Variants in ZNF784 observed in about 807,000 individuals in gnomAD.
The protein encoded by ZNF784 is zinc finger protein 784.
ZNF784 carries 5 observed loss-of-function variants against 3.3 expected under a neutral mutation model. The ratio of observed to expected loss-of-function variants is 1.53; its 90% CI spans 0.80 to 3.22. The LOEUF (loss-of-function observed/expected upper bound fraction) is 3.22. Among genes scored for constraint, ZNF784 ranks in the 30% most tolerant of loss-of-function variants. The pLI is 0.00. For missense variants in ZNF784, 501 were observed against 480.7 expected, an observed-to-expected ratio of 1.04 and a Z score of -0.39; for synonymous variants, 231 against 219.6, an observed-to-expected ratio of 1.05 and a Z score of -0.46.
At chr19:55,624,246 C>G (rs960257264) in intron 1 of ZNF784, among the ~76,000 whole-genome samples, 3 of 151,602 alleles carry the variant, frequency 2.0e-5, no homozygotes, top group African/African-American at 7.3e-5. Context: ...TCCTCAGACT[C>G]CGCCCCCATC....
At chr19:55,624,262 C>T (rs1981666745) in intron 1 of ZNF784, among the ~76,000 whole-genome samples, 1 of 149,136 alleles carries the variant, frequency 6.7e-6, no homozygotes, top group African/African-American at 2.5e-5. Context: ...CCATCCAGGC[C>T]CCGCCCACCA....
Position 55,624,473 on chromosome 19 carries a change from C to T in ZNF784, c.78+11G>A, listed in dbSNP as rs1981678395. The T allele has an allele frequency of 1.2e-6, 2 of 1,601,318 alleles. No individual in the cohort carries two copies. Among genetic ancestry groups the T allele is most frequent in the South Asian group, 2.2e-5 (2 of 88,952 alleles). On this transcript the variant is annotated intron_variant, in intron 1 of 1. Transcript: ENST00000325351. Reference sequence around the variant, plus strand: ...TCGAGCCCCACGCCCAGGCCCCTTCCTTGCCCGCACCAGGTCCAGTGGCTC... The same window carrying T: ...TCGAGCCCCACGCCCAGGCCCCTTCTTTGCCCGCACCAGGTCCAGTGGCTC...
In ZNF784 at chr19:55,622,543, C is replaced by A. The variant is rs760825818; in HGVS notation, c.180G>T (p.Pro60=). ...AGGCACAGTGGAAAGAACCTGGCTC[C>A]GGGGGCTCAGGGACCAGCGTGGTGT... ...VTDTTLVPEP[P]EPGSFHCALC... Residue 60 remains proline, a synonymous_variant, in exon 2 of 2, where the codon CCG becomes CCT. Coordinates refer to ENST00000325351, the MANE Select transcript of ZNF784 (RefSeq NM_203374.2). The surrounding 1 kb of genome is among the most constrained non-coding windows in gnomAD (Gnocchi z 5.9). 2 of 1,611,676 alleles carry A rather than the reference C, an allele frequency of 1.2e-6. No individual in the cohort carries two copies. The highest frequency in any genetic ancestry group is 1.6e-4 in the Middle Eastern group (1 of 6,062).
Position 55,621,568 on chromosome 19 carries a change from A to G in ZNF784, c.*183T>C. The G allele has an allele frequency of 1.3e-6, 1 of 784,554 alleles. No individual in the cohort carries two copies. The highest frequency in any genetic ancestry group is 2.0e-6 in the Non-Finnish European group (1 of 500,216). 48.6% of individuals were successfully genotyped at this position (784,554 alleles called of 1,614,324 possible). ...CAGAGGTGCTGTGTGGGCGTGTGGG[A>G]GTCTGGAGCCTGGCCCTCTCCCTCT... is the stretch of plus-strand genomic sequence containing the variant. On this transcript the variant is annotated 3_prime_UTR_variant, in exon 2 of 2. Coordinates refer to ENST00000325351, the MANE Select transcript of ZNF784 (RefSeq NM_203374.2). This position sits in a 1 kb window ranked among gnomAD's most constrained non-coding sequence, Gnocchi z 4.1.
Position 55,622,650 on chromosome 19 carries a change from C to CAAGAGGAGAAGA in ZNF784, c.79-18_79-7dup. ...CAGTCATCAGGCACCAGGACCTGGG[C>CAAGAGGAGAAGA]AAGAGGAGAAGAAAGAGGAGCCTGT... On this transcript the variant is annotated splice_polypyrimidine_tract_variant and splice_region_variant and intron_variant, in intron 1 of 1. Coordinates refer to ENST00000325351, the MANE Select transcript of ZNF784 (RefSeq NM_203374.2). The surrounding 1 kb of genome is among the most constrained non-coding windows in gnomAD (Gnocchi z 5.9). 1 of 1,531,758 alleles carries CAAGAGGAGAAGA rather than the reference C, an allele frequency of 6.5e-7. No homozygotes were observed. The highest frequency in any genetic ancestry group is 8.8e-7 in the Non-Finnish European group (1 of 1,139,306). 94.9% of individuals were successfully genotyped at this position (1,531,758 alleles called of 1,614,324 possible).
In ZNF784 at chr19:55,621,750, C is replaced by G. The variant is rs759334092; in HGVS notation, c.*1G>C. ...ACTAACCCATGTCCCTGGTCTGCAG[C>G]CTACTGGTCGGCCTCCACCTTCACC... On this transcript the variant is annotated 3_prime_UTR_variant, in exon 2 of 2. Coordinates refer to ENST00000325351, the MANE Select transcript of ZNF784 (RefSeq NM_203374.2). The surrounding 1 kb of genome is among the most constrained non-coding windows in gnomAD (Gnocchi z 4.1). 1 of 1,597,380 alleles carries G rather than the reference C, an allele frequency of 6.3e-7. No individual in the cohort carries two copies. Among genetic ancestry groups the G allele is most frequent in the African/African-American group, 1.3e-5 (1 of 74,888 alleles).
chr19:55,621,315 C>G lies in ZNF784; in HGVS notation c.*436G>C, dbSNP rs1981541466. ...AGGCAGGAGACTCCATCCTGGTCCA[C>G]CCGTGGAGGACCAGAGCAGAAGACT... On this transcript the variant is annotated 3_prime_UTR_variant, in exon 2 of 2. Transcript: ENST00000325351. The surrounding 1 kb of genome is among the most constrained non-coding windows in gnomAD (Gnocchi z 4.1). 4.2e-6 allele frequency: 1 copy of G among 240,366 alleles called. No individual in the cohort carries two copies. The highest frequency in any genetic ancestry group is 8.3e-6 in the Non-Finnish European group (1 of 120,304). 14.9% of individuals were successfully genotyped at this position (240,366 alleles called of 1,614,324 possible). A position where few individuals can be genotyped will look rare whatever the true frequency, so the allele number is the denominator to read the frequency against.
At chr19:55,624,404 G>GC (rs1468863442) in intron 1 of ZNF784, 80 bp downstream of exon 1, 2 of 1,311,524 alleles carry the variant, frequency 1.5e-6, no homozygotes, top group Non-Finnish European at 2.1e-6. Context: ...CCCCTCATAG[G>GC]CCACGCCCCG....
Position 55,621,894 on chromosome 19 carries a change from C to G in ZNF784, c.829G>C (p.Gly277Arg), listed in dbSNP as rs1981568832. ...FRKHQRTHFH[G>R]PGPGLGDSGG... ...GAGTCTCCCAGCCCCGGCCCCGGCC[C>G]GTGGAAGTGGGTGCGCTGGTGCTTG... is the stretch of plus-strand genomic sequence containing the variant. Residue 277 changes from glycine to arginine, a missense_variant, in exon 2 of 2, where the codon GGG becomes CGG. Transcript: ENST00000325351. The surrounding 1 kb of genome is among the most constrained non-coding windows in gnomAD (Gnocchi z 4.1). 1 of 1,591,698 alleles carries G rather than the reference C, an allele frequency of 6.3e-7. No individual in the cohort carries two copies. The highest frequency in any genetic ancestry group is 8.5e-7 in the Non-Finnish European group (1 of 1,175,214).
intron 1 of ZNF784, among the ~76,000 whole-genome samples, chr19:55,623,481 T>G (rs1403403380): frequency 6.6e-6 from 1 of 152,258 alleles, no homozygotes; most frequent in Non-Finnish European, 1.5e-5. Context: ...TCTCTGTTCC[T>G]ATTTCTGCTG....
chr19:55,621,552 T>C lies in ZNF784; in HGVS notation c.*199A>G, dbSNP rs1419135551. On this transcript the variant is annotated 3_prime_UTR_variant, in exon 2 of 2. Coordinates refer to ENST00000325351, the MANE Select transcript of ZNF784 (RefSeq NM_203374.2). The surrounding 1 kb of genome is among the most constrained non-coding windows in gnomAD (Gnocchi z 4.1). ...CCTCTCCTAGGCCTGGCAGAGGTGC[T>C]GTGTGGGCGTGTGGGAGTCTGGAGC... 3 of 710,224 alleles carry C rather than the reference T, an allele frequency of 4.2e-6. No individual in the cohort carries two copies. Among genetic ancestry groups the C allele is most frequent in the Non-Finnish European group, 6.9e-6 (3 of 436,172 alleles). The allele number at this position is 710,224 out of a possible 1,614,324, so 44.0% of individuals were successfully genotyped here. A position where few individuals can be genotyped will look rare whatever the true frequency, so the allele number is the denominator to read the frequency against.
In ZNF784 at chr19:55,624,511, C is replaced by T. The variant is rs1941652745; in HGVS notation, c.51G>A (p.Glu17=). The T allele has an allele frequency of 6.2e-7, 1 of 1,605,488 alleles. No individual in the cohort carries two copies. Among genetic ancestry groups the T allele is most frequent in the Admixed American group, 1.7e-5 (1 of 59,468 alleles). ...EAQSRSSPTP[E]SRSQEPLDLV... ...GGTCCAGTGGCTCCTGGGATCGCGA[C>T]TCCGGAGTCGGTGAGCTCCGACTCT... Residue 17 remains glutamate, a synonymous_variant, in exon 1 of 2, where the codon GAG becomes GAA. Coordinates refer to ENST00000325351, the MANE Select transcript of ZNF784 (RefSeq NM_203374.2).
chr19:55,621,678 T>TC lies in ZNF784; in HGVS notation c.*72dup. ...CCCTCTTCTGTCCCCTGCCTCCGTT[T>TC]CCCCACCCCGTCCCCCTCCCCGGGT... On this transcript the variant is annotated 3_prime_UTR_variant, in exon 2 of 2. Transcript: ENST00000325351. This position sits in a 1 kb window ranked among gnomAD's most constrained non-coding sequence, Gnocchi z 4.1. The TC allele has an allele frequency of 2.6e-6, 4 of 1,543,530 alleles. No individual in the cohort carries two copies. Among genetic ancestry groups the TC allele is most frequent in the Non-Finnish European group, 2.6e-6 (3 of 1,145,802 alleles).
At chr19:55,623,656 G>A (rs562023938) in intron 1 of ZNF784, among the ~76,000 whole-genome samples, 2 of 152,112 alleles carry the variant, frequency 1.3e-5, no homozygotes, top group Non-Finnish European at 2.9e-5. Context: ...TCTGACCCCA[G>A]CTTAAACATA....
Position 55,622,226 on chromosome 19 carries a change from GCCGCTGTGT to G in ZNF784, c.488_496del (p.Asp163_Ala165del). The G allele has an allele frequency of 6.5e-7, 1 of 1,535,550 alleles. No homozygotes were observed. Among genetic ancestry groups the G allele is most frequent in the Non-Finnish European group, 8.7e-7 (1 of 1,145,838 alleles). ...CACCCCGGGCCTCTGTTCTGCAACG[GCCGCTGTGT>G]CCGGAGGCCTCCGAGAGGTGCCCGG... On this transcript the variant is annotated inframe_deletion, in exon 2 of 2. Coordinates refer to ENST00000325351, the MANE Select transcript of ZNF784 (RefSeq NM_203374.2). This position sits in a 1 kb window ranked among gnomAD's most constrained non-coding sequence, Gnocchi z 5.9.
intron 1 of ZNF784, 43 bp downstream of exon 1, chr19:55,624,441 T>A: frequency 1.3e-5 from 14 of 1,044,820 alleles, no homozygotes; most frequent in East Asian, 3.7e-5. Context: ...TACGACCTCC[T>A]CCCACCTCGA....
chr19:55,622,631 T>G lies in ZNF784; in HGVS notation c.92A>C (p.Asp31Ala), dbSNP rs768280175. The G allele has an allele frequency of 4.5e-6, 7 of 1,559,284 alleles. No homozygotes were observed. The South Asian group carries it at 8.3e-5, about 19-fold the overall frequency. Residue 31 changes from aspartate to alanine, a missense_variant, in exon 2 of 2, where the codon GAT becomes GCT. Physicochemically the swap from Asp to Ala is moderately radical, Grantham distance 126. Coordinates refer to ENST00000325351, the MANE Select transcript of ZNF784 (RefSeq NM_203374.2). The surrounding 1 kb of genome is among the most constrained non-coding windows in gnomAD (Gnocchi z 5.9). ...QEPLDLVLVPDDCRPGTPPSD... is the reference protein window; with the variant it reads ...QEPLDLVLVPADCRPGTPPSD... ...CGGGGGTGTGCCAGGCCGGCAGTCA[T>G]CAGGCACCAGGACCTGGGCAAGAGG...
chr19:55,622,444 T>C lies in ZNF784; in HGVS notation c.279A>G (p.Gly93=), dbSNP rs1981603393. 1.9e-6 allele frequency: 3 copies of C among 1,603,606 alleles called. No homozygotes were observed. Among genetic ancestry groups the C allele is most frequent in the South Asian group, 1.1e-5 (1 of 89,962 alleles). Residue 93 remains glycine, a synonymous_variant, in exon 2 of 2, where the codon GGA becomes GGG. Coordinates refer to ENST00000325351, the MANE Select transcript of ZNF784 (RefSeq NM_203374.2). The surrounding 1 kb of genome is among the most constrained non-coding windows in gnomAD (Gnocchi z 5.9). The stretch of plus-strand genomic sequence containing the variant: ...GGCTCGGGTCCCCACCCTGCCCGCC[T>C]CCCTCGGCCCCAGCCAAGTGGCCAT... The part of the protein sequence containing the change: ...HEHGHLAGAE[G]GGQGGDPSRC...
chr19:55,622,349 C>T lies in ZNF784; in HGVS notation c.374G>A (p.Gly125Glu). The T allele has an allele frequency of 6.6e-7, 1 of 1,518,732 alleles. No homozygotes were observed. Among genetic ancestry groups the T allele is most frequent in the Non-Finnish European group, 8.8e-7 (1 of 1,134,808 alleles). The allele number at this position is 1,518,732 out of a possible 1,614,324, so 94.1% of individuals were successfully genotyped here. ...GAGCGCGCAGCGGTAGGGCCGCTCC[C>T]CCGTGTGCAAGCTGTAGTGCGCGCG... The part of the protein sequence containing the change: ...SLRAHYSLHT[G>E]ERPYRCALCP... The change falls in exon 2 of 2, where the codon GGG becomes GAG. Residue 125 changes from glycine to glutamate, a missense_variant. Gly to Glu is a moderately conservative substitution (Grantham distance 98, BLOSUM62 -2). Coordinates refer to ENST00000325351, the MANE Select transcript of ZNF784 (RefSeq NM_203374.2). This position sits in a 1 kb window ranked among gnomAD's most constrained non-coding sequence, Gnocchi z 5.9.
Sources: gnomAD v4.1 joint callset for allele counts (sites outside exome capture counted in the v4.1 genomes callset) on GRCh38, gnomAD v4.1.1 for gene constraint, Gnocchi (gnomAD v3.1) non-coding constraint, MANE v1.5 for transcripts, NCBI Gene and HGNC (gene_info 2026-07-23, HGNC 2026-07-21) for gene names.